SPAG17: variants seen among roughly 807,000 people sequenced by gnomAD.
SPAG17 encodes the protein sperm associated antigen 17.
In SPAG17, 169 loss-of-function variants were observed where a neutral mutation model predicts 273.6. The ratio of observed to expected loss-of-function variants is 0.62; its 90% confidence interval spans 0.55 to 0.70. The LOEUF is 0.70. Among genes scored for constraint, SPAG17 ranks in the 30% least tolerant of loss-of-function variants. The pLI is 0.00. For synonymous variants in SPAG17, 825 were observed against 873.2 expected, an observed-to-expected ratio of 0.94 and a Z score of 0.97; for missense variants, 2,557 against 2,627.8, an observed-to-expected ratio of 0.97 and a Z score of 0.59.
chr1:117,995,814 A>T (rs1240169133), intron 34 of SPAG17, among the ~76,000 whole-genome samples: 2 of 151,982 alleles, frequency 1.3e-5, no homozygotes, highest in African/African-American at 4.8e-5. Flanking sequence ...CATATTACAT[A>T]TACTGGATGG....
chr1:117,988,891 T>C (rs1468761386), intron 38 of SPAG17, among the ~76,000 whole-genome samples: 2 of 152,182 alleles, frequency 1.3e-5, no homozygotes, highest in Non-Finnish European at 2.9e-5. Context: ...TTTTAGGAAA[T>C]ACTATGGGAA....
chr1:118,053,461 A>G (rs1651296135), intron 20 of SPAG17, among the ~76,000 whole-genome samples: 1 of 152,090 alleles, frequency 6.6e-6, no homozygotes, highest in Non-Finnish European at 1.5e-5. Context: ...ATTGAATTCA[A>G]GGAATAAATG....
chr1:118,176,816 A>G (rs1558063730), intron 1 of SPAG17, among the ~76,000 whole-genome samples: 1 of 152,204 alleles, frequency 6.6e-6, no homozygotes, highest in Non-Finnish European at 1.5e-5. Flanking sequence ...AACAAATTTC[A>G]ACAAATTAAA....
At chr1:118,028,032 C>T (rs969778488) in intron 26 of SPAG17, among the ~76,000 whole-genome samples, 1 of 152,120 alleles carries the variant, frequency 6.6e-6, no homozygotes, top group East Asian at 1.9e-4. Context: ...CCTCCTGAAG[C>T]CTCGATTTCC....
rs755947570 is a variant in SPAG17, at chr1:118,093,343, T to C, written c.1012-26A>G. Reference sequence around the variant, plus strand: ...CTACAAGTGAGAGATTTAATGGCAATTGGTTACTAGTTTTACACTGTTGGA... The same window carrying C: ...CTACAAGTGAGAGATTTAATGGCAACTGGTTACTAGTTTTACACTGTTGGA... On this transcript the variant is annotated intron_variant, in intron 7 of 48. Coordinates refer to ENST00000336338, the MANE Select transcript of SPAG17 (RefSeq NM_206996.4). The C allele has an allele frequency of 2.3e-5, 37 of 1,583,748 alleles. No homozygotes were observed. In the South Asian group the frequency reaches 2.4e-4, roughly 10 times the overall value.
At chr1:118,065,644 G>A (rs542518443) in intron 18 of SPAG17, among the ~76,000 whole-genome samples, 35 of 152,020 alleles carry the variant, frequency 2.3e-4, no homozygotes, top group African/African-American at 8.4e-4. Context: ...CGCAAGTTTG[G>A]TTCAACACTA....
At chr1:118,128,813 A>G (rs1657889232) in intron 3 of SPAG17, among the ~76,000 whole-genome samples, 3 of 152,130 alleles carry the variant, frequency 2.0e-5, no homozygotes, top group Non-Finnish European at 2.9e-5. Flanking sequence ...CCTTCATAGG[A>G]GAATCTGACT....
intron 22 of SPAG17, 68 bp from the exon 23 acceptor site, chr1:118,039,512 G>T (rs1425072539): frequency 2.7e-6 from 4 of 1,489,418 alleles, no homozygotes; most frequent in Non-Finnish European, 3.7e-6. Context: ...CGACAAGATG[G>T]TTACACAATG....
intron 18 of SPAG17, among the ~76,000 whole-genome samples, chr1:118,065,828 A>C (rs1199613047): frequency 6.7e-6 from 1 of 148,186 alleles, no homozygotes; most frequent in Non-Finnish European, 1.5e-5. Flanking sequence ...ATCCTAGAGC[A>C]AAAAAAAAAA....
chr1:118,066,012 T>C (rs1652924403), intron 18 of SPAG17, among the ~76,000 whole-genome samples: 1 of 152,098 alleles, frequency 6.6e-6, no homozygotes, highest in Admixed American at 6.5e-5. Flanking sequence ...TTCAAGGTGT[T>C]ATATTAGTAT....
chr1:118,153,151 T>C (rs944649736), intron 1 of SPAG17, among the ~76,000 whole-genome samples: 1 of 152,180 alleles, frequency 6.6e-6, no homozygotes, highest in Admixed American at 6.5e-5. Context: ...TAGTATTTGG[T>C]GTCAAGGCAG....
chr1:118,096,721 T>C (rs573376180), intron 7 of SPAG17, among the ~76,000 whole-genome samples: 3 of 152,324 alleles, frequency 2.0e-5, no homozygotes, highest in Admixed American at 1.3e-4. Flanking sequence ...TTTCTTTGTC[T>C]GAATTAGTAG....
At position 118,005,464 on chromosome 1, in the gene SPAG17, T is replaced by C. The variant is rs1423258634; in HGVS notation, c.4726A>G (p.Thr1576Ala). 1.9e-6 allele frequency: 3 copies of C among 1,613,472 alleles called. No homozygotes were observed. The highest frequency in any genetic ancestry group is 2.7e-5 in the African/African-American group (2 of 74,920). ...AGAACCTCACAGATAACCTCTGAAG[T>C]ATGCCTCATGATGTACCTGCCAGCT... ...LRAGRYIMRHTSEVICEVLDP... is the reference protein window; with the variant it reads ...LRAGRYIMRHASEVICEVLDP... Residue 1576 changes from threonine to alanine, a missense_variant, in exon 32 of 49, where the codon ACT (threonine) becomes GCT (alanine). Thr to Ala is a moderately conservative substitution (Grantham distance 58). Transcript: ENST00000336338.
chr1:118,036,601 G>GAC (rs35746934), intron 24 of SPAG17, 169 bp downstream of exon 24: 145,684 of 490,666 alleles, frequency 0.3, 11,317 homozygotes, highest in Admixed American at 0.38. Flanking sequence ...CACATATATA[G>GAC]ACACACACAC....
At position 117,994,402 on chromosome 1, in the gene SPAG17, A is replaced by G; in HGVS notation, c.5178+4T>C. ...AAAATGACTTTTTAGAAGAAATTAT[A>G]TACCTCAACTGAGGGAAATGTTTCC... On this transcript the variant is annotated splice_donor_region_variant and intron_variant, in intron 35 of 48. Transcript: ENST00000336338. 1.2e-6 allele frequency: 2 copies of G among 1,610,672 alleles called. No homozygotes were observed. Among genetic ancestry groups the G allele is most frequent in the Non-Finnish European group, 1.7e-6 (2 of 1,178,270 alleles).
At chr1:118,116,247 A>T (rs1219038846) in intron 3 of SPAG17, among the ~76,000 whole-genome samples, 1 of 152,234 alleles carries the variant, frequency 6.6e-6, no homozygotes, top group African/African-American at 2.4e-5. Context: ...TACCATAAAA[A>T]GTTGTTATGT....
chr1:117,994,464 T>A lies in SPAG17; in HGVS notation c.5120A>T (p.Asp1707Val), dbSNP rs775681164. ...CCGGAGATTAGGAGGGACAATTGTA[T>A]CTTCCTTTTTTACTTGCCATGGTGA... ...EASPWQVKKEDTIVPPNLRSR... is the reference protein window; with the variant it reads ...EASPWQVKKEVTIVPPNLRSR... Residue 1707 changes from aspartate (D) to valine (V), a missense_variant, in exon 35 of 49, where the codon GAT becomes GTT. By Grantham distance (152) the Asp-to-Val change is radical (BLOSUM62 -3). Coordinates refer to ENST00000336338, the MANE Select transcript of SPAG17 (RefSeq NM_206996.4). The A allele has an allele frequency of 6.2e-7, 1 of 1,613,050 alleles. No homozygotes were observed. Among genetic ancestry groups the A allele is most frequent in the South Asian group, 1.1e-5 (1 of 91,030 alleles).
rs750389446 is a variant in SPAG17, at chr1:117,984,800, G to T, written c.5670-18C>A. ...TTTCCTTCCTGGTTGATGTTTCCAT[G>T]ATGATGCAAAAGAAGACATAGAATA... On this transcript the variant is annotated intron_variant, in intron 40 of 48. Coordinates refer to ENST00000336338, the MANE Select transcript of SPAG17 (RefSeq NM_206996.4). The T allele has an allele frequency of 8.9e-6, 13 of 1,462,734 alleles. No individual in the cohort carries two copies. Among genetic ancestry groups the T allele is most frequent in the Non-Finnish European group, 1.2e-5 (13 of 1,044,754 alleles). The allele number at this position is 1,462,734 out of a possible 1,614,324, so 90.6% of individuals were successfully genotyped here. A position where few individuals can be genotyped will look rare whatever the true frequency, so the allele number is the denominator to read the frequency against.
intron 1 of SPAG17, among the ~76,000 whole-genome samples, chr1:118,169,621 T>C (rs1660328298): frequency 6.6e-6 from 1 of 152,142 alleles, no homozygotes; most frequent in Non-Finnish European, 1.5e-5. Context: ...ATAAACTACA[T>C]TTATAAGGGT....
Sources: gnomAD v4.1 joint callset for allele counts (sites outside exome capture counted in the v4.1 genomes callset) on GRCh38, gnomAD v4.1.1 for gene constraint, MANE v1.5 for transcripts, NCBI Gene and HGNC (gene_info 2026-07-23, HGNC 2026-07-21) for gene names.